Variants in LMNA observed in about 807,000 individuals in gnomAD.
LMNA encodes the protein lamin.
In LMNA, 20 loss-of-function variants were observed where a neutral mutation model predicts 70.4. The ratio of observed to expected loss-of-function variants is 0.28; its 90% confidence interval spans 0.20 to 0.41. The LOEUF (loss-of-function observed/expected upper bound fraction) is 0.41. Among genes scored for constraint, LMNA ranks in the 10% least tolerant of loss-of-function variants. LMNA has a pLI of 1.00. For missense variants in LMNA, 652 were observed against 917.2 expected (o/e 0.71, Z 3.73); for synonymous variants, 339 against 372.8 (o/e 0.91, Z 1.04).
intron 3 of LMNA, among the ~76,000 whole-genome samples, chr1:156,093,046 G>A (rs1400790637): frequency 3.3e-5 from 5 of 151,746 alleles, no homozygotes; most frequent in East Asian, 1.9e-4. Context: ...CTGCCACCAC[G>A]CTCAGCTAAT....
In LMNA at chr1:156,137,097, C is replaced by T. The variant is rs201379016; in HGVS notation, c.1489-16C>T. On this transcript the variant is annotated splice_polypyrimidine_tract_variant and intron_variant, in intron 8 of 11. Coordinates refer to ENST00000368300, the MANE Select transcript of LMNA (RefSeq NM_170707.4). The surrounding 1 kb of genome is among the most constrained non-coding windows in gnomAD (Gnocchi z 4.6). ...CGATGGGAGCGCTGGGGTAAGTGTC[C>T]TTTTCTCCTCTCCAGATCTGGGCTG... 1.9e-6 allele frequency: 3 copies of T among 1,613,982 alleles called. No individual in the cohort carries two copies. Among genetic ancestry groups the T allele is most frequent in the Admixed American group, 3.3e-5 (2 of 60,014 alleles).
Position 156,135,836 on chromosome 1 carries a change from C to A in LMNA, c.937-65C>A. On this transcript the variant is annotated intron_variant, in intron 5 of 11. Transcript: ENST00000368300. This position sits in a 1 kb window ranked among gnomAD's most constrained non-coding sequence, Gnocchi z 4.8. ...TAGCCAGGTGTCTCCTACACCGACC[C>A]ACGTCCCTCCTTCCCCATACTTAGG... The A allele has an allele frequency of 7.1e-7, 1 of 1,414,844 alleles. No homozygotes were observed. Among genetic ancestry groups the A allele is most frequent in the East Asian group, 2.3e-5 (1 of 42,924 alleles). 87.6% of individuals were successfully genotyped at this position (1,414,844 alleles called of 1,614,324 possible).
chr1:156,136,183 C>T lies in LMNA; in HGVS notation c.1158-31C>T, dbSNP rs1458104257. The T allele has an allele frequency of 1.2e-6, 2 of 1,612,682 alleles. No individual in the cohort carries two copies. The highest frequency in any genetic ancestry group is 1.7e-6 in the Non-Finnish European group (2 of 1,179,412). On this transcript the variant is annotated intron_variant, in intron 6 of 11. Transcript: ENST00000368300. This position sits in a 1 kb window ranked among gnomAD's most constrained non-coding sequence, Gnocchi z 6.1. ...TCCTCTGGCCGGCAACTGGCCTTGA[C>T]TAGACCCCCACTTGGTCTCCCTCTC... is the stretch of plus-strand genomic sequence containing the variant.
chr1:156,132,093 A>G (rs1384102567), intron 2 of LMNA, among the ~76,000 whole-genome samples: 1 of 152,006 alleles, frequency 6.6e-6, no homozygotes, highest in East Asian at 1.9e-4. Context: ...AATCATTTGA[A>G]CCCAGGATCA....
chr1:156,106,134 C>CAA (rs55841698), intron 3 of LMNA, among the ~76,000 whole-genome samples: 156 of 135,716 alleles, frequency 1.1e-3, no homozygotes, highest in South Asian at 2.8e-3. Flanking sequence ...GACTCCGTCT[C>CAA]AAAAAAAAAA....
intron 1 of LMNA, chr1:156,126,457 G>T: frequency 1.6e-6 from 1 of 618,914 alleles, no homozygotes; most frequent in Admixed American, 2.7e-5. Context: ...TCCATATCTG[G>T]CATCAGAGTT....
chr1:156,132,346 T>A (rs1481718686), intron 2 of LMNA, among the ~76,000 whole-genome samples: 1 of 151,870 alleles, frequency 6.6e-6, no homozygotes, highest in Non-Finnish European at 1.5e-5. Flanking sequence ...GGCAGCCACC[T>A]GTAATCCCAG....
intron 1 of LMNA, chr1:156,123,096 G>A (rs1650312901): frequency 6.6e-6 from 1 of 152,276 alleles, no homozygotes; most frequent in African/African-American, 2.4e-5. Context: ...AAAAGCAGAG[G>A]CTGAGGGGTG....
intron 2 of LMNA, among the ~76,000 whole-genome samples, chr1:156,085,609 T>C (rs1011550137): frequency 2.6e-5 from 4 of 152,190 alleles, no homozygotes; most frequent in Admixed American, 6.5e-5. Context: ...AGAGGCTCAA[T>C]AGGGGTATGT....
chr1:156,131,160 A>G (rs1223133289), intron 2 of LMNA, among the ~76,000 whole-genome samples: 1 of 152,078 alleles, frequency 6.6e-6, no homozygotes, highest in Non-Finnish European at 1.5e-5. Context: ...AGTCCCAACT[A>G]CTCGGGAGGC....
chr1:156,129,264 G>C (rs986687320), intron 1 of LMNA, among the ~76,000 whole-genome samples: 1 of 152,156 alleles, frequency 6.6e-6, no homozygotes, highest in Non-Finnish European at 1.5e-5. Flanking sequence ...CTGCCCCTCT[G>C]AGTGTCACTC....
At chr1:156,108,657 T>C (rs1649433726) in intron 3 of LMNA, among the ~76,000 whole-genome samples, 1 of 152,036 alleles carries the variant, frequency 6.6e-6, no homozygotes, top group Non-Finnish European at 1.5e-5. Context: ...TCCCAGCTAC[T>C]CGGGAGGCTG....
At chr1:156,126,329 G>A in intron 1 of LMNA, 1 of 896,274 alleles carries the variant, frequency 1.1e-6, no homozygotes. Context: ...TTTAGCTACA[G>A]TGTCTGTCCC....
At chr1:156,121,858 A>G (rs1331996886) in intron 1 of LMNA, among the ~76,000 whole-genome samples, 2 of 152,090 alleles carry the variant, frequency 1.3e-5, no homozygotes, top group Non-Finnish European at 2.9e-5. Context: ...TTATCCCTCA[A>G]TAAGGGGCAA....
intron 3 of LMNA, among the ~76,000 whole-genome samples, chr1:156,107,688 C>T (rs181455415): frequency 2.6e-4 from 40 of 152,302 alleles, no homozygotes; most frequent in Admixed American, 5.9e-4. Flanking sequence ...GCTTCTCACC[C>T]GGCACCACCT....
intron 1 of LMNA, chr1:156,126,069 C>G (rs984267969): frequency 1.5e-6 from 1 of 665,752 alleles, no homozygotes; most frequent in African/African-American, 1.9e-5. Flanking sequence ...CAGGAGGATA[C>G]AGGAGAGCAT....
At chr1:156,108,708 G>C (rs1004240714) in intron 3 of LMNA, among the ~76,000 whole-genome samples, 5 of 152,048 alleles carry the variant, frequency 3.3e-5, no homozygotes, top group Non-Finnish European at 7.3e-5. Context: ...GCAGGTTGCA[G>C]TGAGCTGAGA....
In LMNA at chr1:156,103,358, C is replaced by T. The variant is rs532769310; in HGVS notation, c.-206-11355C>T. ...AGGAGGGTCCTCATCCTAATGAGGCCGCCAAGGAAGAGGGCCCCCAGTATG... is the reference window on the plus strand; with the variant it reads ...AGGAGGGTCCTCATCCTAATGAGGCTGCCAAGGAAGAGGGCCCCCAGTATG... On this transcript the variant is annotated intron_variant, in intron 3 of 12. Coordinates refer to the LMNA transcript ENST00000368301. This position sits in a 1 kb window ranked among gnomAD's most constrained non-coding sequence, Gnocchi z 4.7. Among the ~76,000 whole-genome samples the T allele has an allele frequency of 7.9e-5, 12 of 152,236 alleles. No homozygotes were observed. The highest frequency in any genetic ancestry group is 2.4e-4 in the African/African-American group (10 of 41,540).
intron 3 of LMNA, among the ~76,000 whole-genome samples, chr1:156,108,153 A>C (rs1216819756): frequency 3.8e-4 from 58 of 152,172 alleles, no homozygotes; most frequent in Non-Finnish European, 1.5e-4. Flanking sequence ...TCACCTCCAT[A>C]TAGCCCCTAG....
Sources: allele counts gnomAD v4.1 joint callset (sites outside exome capture counted in the v4.1 genomes callset), GRCh38; gene constraint gnomAD v4.1.1; non-coding constraint Gnocchi (gnomAD v3.1); transcripts MANE v1.5; gene names NCBI Gene and HGNC (gene_info 2026-07-23, HGNC 2026-07-21).